The following CA6 variants were observed in gnomAD, a reference collection of about 807,000 sequenced individuals.
CA6 encodes carbonate dehydratase VI.
A neutral mutation model predicts 35.9 loss-of-function variants in CA6; 28 were observed. The ratio of observed to expected loss-of-function variants is 0.78; its 90% CI spans 0.58 to 1.07. The LOEUF (loss-of-function observed/expected upper bound fraction) is 1.07. CA6 is among the 50% of genes least tolerant of loss of function. CA6 has a pLI of 0.00. For synonymous variants in CA6, 148 were observed against 152.6 expected (o/e 0.97, Z 0.22); for missense variants, 377 against 382.0 (o/e 0.99, Z 0.11).
At chr1:8,946,094 G>A in intron 1 of CA6, 129 bp downstream of exon 1, 1 of 626,392 alleles carries the variant, frequency 1.6e-6, no homozygotes, top group African/African-American at 1.9e-5. Flanking sequence ...CTTGAGTACA[G>A]TAGTGTGATG....
At position 8,955,611 on chromosome 1, in the gene CA6, A is replaced by ACCTTCCACGCCTCCTTTTAAGGC. The variant is rs1553162677; in HGVS notation, c.260-1522_260-1521insCCACGCCTCCTTTTAAGGCCCTT. Among the ~76,000 whole-genome samples the ACCTTCCACGCCTCCTTTTAAGGC allele has an allele frequency of 1.2e-3, 124 of 99,598 alleles. 1 individual carries two copies. Among genetic ancestry groups the ACCTTCCACGCCTCCTTTTAAGGC allele is most frequent in the African/African-American group, 4.8e-3 (113 of 23,442 alleles). The allele number at this position is 99,598 out of a possible 152,430, so 65.3% of individuals were successfully genotyped here. On this transcript the variant is annotated intron_variant, in intron 2 of 7. Coordinates refer to ENST00000377443, the MANE Select transcript of CA6 (RefSeq NM_001215.4). ...CTCCCGTCTGCTTTCAGCATCACTG[A>ACCTTCCACGCCTCCTTTTAAGGC]CCTTGCACGCCTCCTTTTAAGGCCC...
At chr1:8,951,274 A>G (rs1362754699) in intron 2 of CA6, 9 of 578,812 alleles carry the variant, frequency 1.6e-5, no homozygotes, top group Non-Finnish European at 2.5e-5. Context: ...GGTTGGTGAA[A>G]GTAGCAAATT....
chr1:8,958,652 G>A (rs762546886), intron 3 of CA6, among the ~76,000 whole-genome samples: 3 of 152,344 alleles, frequency 2.0e-5, no homozygotes, highest in Middle Eastern at 3.4e-3. Context: ...TGCCTGGAGG[G>A]AGGTGTGGTC....
Position 8,963,035 on chromosome 1 carries a change from G to A in CA6, c.571+379G>A, listed in dbSNP as rs1227678076. ...GATGAATGTCAAGAGGGAAGCCCTC[G>A]TCATACCACTTGGACATCCAGACAC... On this transcript the variant is annotated intron_variant, in intron 5 of 7. Transcript: ENST00000377443. The surrounding 1 kb of genome is among the most constrained non-coding windows in gnomAD (Gnocchi z 4.1). Among the ~76,000 whole-genome samples, 7 of 152,120 alleles carry A rather than the reference G, an allele frequency of 4.6e-5. No homozygotes were observed. The highest frequency in any genetic ancestry group is 7.2e-5 in the African/African-American group (3 of 41,420).
chr1:8,967,552 C>A, intron 5 of CA6, 107 bp from the exon 6 acceptor site: 1 of 824,736 alleles, frequency 1.2e-6, no homozygotes, highest in Non-Finnish European at 2.0e-6. Flanking sequence ...CTTCTATGTT[C>A]TGCTGAACTC....
chr1:8,953,378 C>T (rs1164043684), intron 2 of CA6, among the ~76,000 whole-genome samples: 1 of 152,088 alleles, frequency 6.6e-6, no homozygotes, highest in Middle Eastern at 3.2e-3. Flanking sequence ...AACCCCAGCA[C>T]TTTGGGAGGC....
At chr1:8,955,327 G>A (rs1457315086) in intron 2 of CA6, among the ~76,000 whole-genome samples, 1 of 152,106 alleles carries the variant, frequency 6.6e-6, no homozygotes, top group East Asian at 1.9e-4. Flanking sequence ...AGTGAGCTGA[G>A]GTCATGCCAC....
intron 2 of CA6, chr1:8,951,415 G>A: frequency 1.3e-6 from 1 of 760,180 alleles, no homozygotes; most frequent in South Asian, 1.3e-5. Flanking sequence ...ACTCTCTGAT[G>A]CTTCCAGATT....
chr1:8,973,022 G>T (rs1475059787), intron 7 of CA6, among the ~76,000 whole-genome samples: 1 of 152,066 alleles, frequency 6.6e-6, no homozygotes. Flanking sequence ...TCATGGGTCT[G>T]TCTCCTAATT....
intron 4 of CA6, 45 bp from the exon 5 acceptor site, chr1:8,962,542 G>A (rs2124173197): frequency 1.4e-6 from 2 of 1,479,592 alleles, no homozygotes; most frequent in Non-Finnish European, 1.9e-6. Flanking sequence ...GATGGTGCTG[G>A]GGCCTCTTCT....
chr1:8,968,075 C>G (rs1640018497), intron 6 of CA6, among the ~76,000 whole-genome samples: 2 of 146,212 alleles, frequency 1.4e-5, no homozygotes, highest in South Asian at 4.4e-4. Flanking sequence ...TCAAGCAATT[C>G]TCCTGCCTCA....
rs1639896412 is a variant in CA6 at position 8,963,503 on chromosome 1, T to C, written c.571+847T>C. ...GTTGGCTGGCAGCCAAACAGCTGAA[T>C]GCAACTGGACAGAAATCCATAGACA... is the stretch of plus-strand genomic sequence containing the variant. On this transcript the variant is annotated intron_variant, in intron 5 of 7. Coordinates refer to ENST00000377443, the MANE Select transcript of CA6 (RefSeq NM_001215.4). This position sits in a 1 kb window ranked among gnomAD's most constrained non-coding sequence, Gnocchi z 4.1. Among the ~76,000 whole-genome samples the C allele has an allele frequency of 6.6e-6, 1 of 152,212 alleles. No homozygotes were observed. Among genetic ancestry groups the C allele is most frequent in the Non-Finnish European group, 1.5e-5 (1 of 68,040 alleles).
chr1:8,946,814 T>C (rs913978981), intron 1 of CA6, among the ~76,000 whole-genome samples: 4 of 149,190 alleles, frequency 2.7e-5, no homozygotes, highest in Admixed American at 2.7e-4. Context: ...TGTTTTTTTT[T>C]TTTTTTTGAG....
At chr1:8,967,332 C>T (rs4466678) in intron 5 of CA6, among the ~76,000 whole-genome samples, 11,206 of 152,146 alleles carry the variant, frequency 0.074, 695 homozygotes, top group African/African-American at 0.17. Context: ...TGGTTCAATG[C>T]CAGCTGCTTT....
At chr1:8,970,822 A>C (rs748043546) in intron 6 of CA6, 45 bp from the exon 7 acceptor site, 21 of 1,181,966 alleles carry the variant, frequency 1.8e-5, no homozygotes, top group Non-Finnish European at 2.7e-5. Context: ...CTTTTAAATT[A>C]CCCAGTGACT....
chr1:8,954,018 G>A (rs575799676), intron 2 of CA6, among the ~76,000 whole-genome samples: 9 of 152,290 alleles, frequency 5.9e-5, no homozygotes, highest in East Asian at 1.9e-4. Context: ...ACATGGCAAC[G>A]TCAGGAAGTT....
At chr1:8,966,771 G>T (rs1424826660) in intron 5 of CA6, among the ~76,000 whole-genome samples, 1 of 152,158 alleles carries the variant, frequency 6.6e-6, no homozygotes, top group African/African-American at 2.4e-5. Context: ...GGGGCTCAGT[G>T]TTGTTGACAT....
intron 2 of CA6, among the ~76,000 whole-genome samples, chr1:8,952,899 C>T (rs978271378): frequency 3.3e-5 from 5 of 151,450 alleles, no homozygotes; most frequent in African/African-American, 7.4e-5. Context: ...TCAAGTCATC[C>T]GCCCACTTCG....
chr1:8,966,975 T>TA (rs1346438523), intron 5 of CA6, among the ~76,000 whole-genome samples: 2 of 96,768 alleles, frequency 2.1e-5, no homozygotes, highest in African/African-American at 8.2e-5. Context: ...ATTTATTATT[T>TA]AAAAAAATAA....
Sources: allele counts gnomAD v4.1 joint callset (sites outside exome capture counted in the v4.1 genomes callset), GRCh38; gene constraint gnomAD v4.1.1; non-coding constraint Gnocchi (gnomAD v3.1); transcripts MANE v1.5; gene names NCBI Gene and HGNC (gene_info 2026-07-23, HGNC 2026-07-21).